Variants in SUPT3H observed in about 807,000 individuals in gnomAD.
SUPT3H encodes the protein transcription initiation protein SPT3 homolog.
A neutral mutation model predicts 44.3 loss-of-function variants in SUPT3H; 44 were observed. The observed-to-expected ratio is 0.99, with a 90% CI of 0.78 to 1.28. The LOEUF is 1.28. Ranked by LOEUF, SUPT3H falls within the 50% of genes most tolerant of loss-of-function variation. SUPT3H has a pLI of 0.00. For synonymous variants in SUPT3H, 124 were observed against 125.6 expected, an observed-to-expected ratio of 0.99 and a Z score of 0.09; for missense variants, 380 against 387.1, an observed-to-expected ratio of 0.98 and a Z score of 0.15.
At chr6:45,181,006 TCAAA>T (rs1157923252) in intron 2 of SUPT3H, among the ~76,000 whole-genome samples, 1 of 150,100 alleles carries the variant, frequency 6.7e-6, no homozygotes, top group Non-Finnish European at 1.5e-5. Context: ...TACAATGAAC[TCAAA>T]CAAATTTACA....
chr6:45,349,030 G>C (rs1486689898), intron 2 of SUPT3H, among the ~76,000 whole-genome samples: 1 of 152,158 alleles, frequency 6.6e-6, no homozygotes, highest in Non-Finnish European at 1.5e-5. Flanking sequence ...GTGGAAAGAG[G>C]TTTATAATCT....
At chr6:45,156,869 C>T (rs1807911338) in intron 2 of SUPT3H, among the ~76,000 whole-genome samples, 1 of 151,658 alleles carries the variant, frequency 6.6e-6, no homozygotes, top group South Asian at 2.1e-4. Flanking sequence ...TGAAGTAATT[C>T]CATGATTTAG....
At chr6:45,276,453 G>A (rs1342727921) in intron 2 of SUPT3H, among the ~76,000 whole-genome samples, 1 of 152,116 alleles carries the variant, frequency 6.6e-6, no homozygotes, top group Non-Finnish European at 1.5e-5. Flanking sequence ...TAGGGTCTGT[G>A]AGATAGATTA....
intron 2 of SUPT3H, among the ~76,000 whole-genome samples, chr6:45,334,102 C>T (rs1562970491): frequency 6.6e-6 from 1 of 151,170 alleles, no homozygotes; most frequent in East Asian, 1.9e-4. Context: ...TCTACTATTC[C>T]TATTGCCAAT....
intron 2 of SUPT3H, among the ~76,000 whole-genome samples, chr6:45,175,659 C>A (rs367971201): frequency 2.0e-5 from 3 of 151,994 alleles, no homozygotes; most frequent in African/African-American, 7.3e-5. Context: ...TGAAGGCATC[C>A]TACATGAATA....
chr6:45,137,089 A>T (rs1257913222), intron 2 of SUPT3H, among the ~76,000 whole-genome samples: 8 of 152,144 alleles, frequency 5.3e-5, no homozygotes, highest in Admixed American at 2.6e-4. Context: ...GACAAGAAGC[A>T]ATGGAATATG....
intron 2 of SUPT3H, among the ~76,000 whole-genome samples, chr6:45,203,475 C>A (rs1762732794): frequency 6.6e-6 from 1 of 152,166 alleles, no homozygotes; most frequent in African/African-American, 2.4e-5. Context: ...AACTCCAAGG[C>A]AGTCTTACTG....
intron 2 of SUPT3H, among the ~76,000 whole-genome samples, chr6:45,128,526 AAAAAAAAATAT>A (rs1268498102): frequency 1.9e-4 from 13 of 67,500 alleles, no homozygotes; most frequent in African/African-American, 6.4e-4. Context: ...AAAAAAAAAA[AAAAAAAAATAT>A]ATATATATAT....
At chr6:45,364,709 TAA>T (rs1794838291) in intron 2 of SUPT3H, among the ~76,000 whole-genome samples, 1 of 152,232 alleles carries the variant, frequency 6.6e-6, no homozygotes, top group Non-Finnish European at 1.5e-5. Flanking sequence ...TCAAATGCTC[TAA>T]GTTTTTCCCC....
Position 44,828,500 on chromosome 6 carries a change from G to C in SUPT3H, c.*1316C>G, listed in dbSNP as rs529349139. ...TGATGGTTTTCAAATAAAAAGTCTTGAATTTAAAATTGAAACAGTGTTTTT... is the reference window on the plus strand; with the variant it reads ...TGATGGTTTTCAAATAAAAAGTCTTCAATTTAAAATTGAAACAGTGTTTTT... On this transcript the variant is annotated 3_prime_UTR_variant, in exon 11 of 11. Coordinates refer to ENST00000371459, the MANE Select transcript of SUPT3H (RefSeq NM_003599.4). 1.6e-4 allele frequency among the ~76,000 whole-genome samples: 24 copies of C among 152,200 alleles called. No individual in the cohort carries two copies. Among genetic ancestry groups the C allele is most frequent in the African/African-American group, 5.1e-4 (21 of 41,536 alleles).
At chr6:45,136,493 T>A (rs1447418332) in intron 2 of SUPT3H, among the ~76,000 whole-genome samples, 1 of 151,308 alleles carries the variant, frequency 6.6e-6, no homozygotes, top group Non-Finnish European at 1.5e-5. Flanking sequence ...GAAATACAAG[T>A]CAAGCAGTCA....
At chr6:44,995,147 A>G (rs1374914849) in intron 6 of SUPT3H, among the ~76,000 whole-genome samples, 15 of 139,008 alleles carry the variant, frequency 1.1e-4, no homozygotes, top group Admixed American at 9.8e-4. Context: ...CTCAAACTAT[A>G]GCTGAATAAA....
intron 2 of SUPT3H, among the ~76,000 whole-genome samples, chr6:45,237,972 C>T (rs565283551): frequency 1.0e-3 from 153 of 152,244 alleles, no homozygotes; most frequent in African/African-American, 3.6e-3. Flanking sequence ...CTTTACTATC[C>T]CTTTAGCTGA....
intron 10 of SUPT3H, among the ~76,000 whole-genome samples, chr6:44,887,054 A>G (rs1435884916): frequency 6.6e-6 from 1 of 152,226 alleles, no homozygotes; most frequent in Non-Finnish European, 1.5e-5. Context: ...GATCAATACA[A>G]CAAGAAGAGC....
intron 2 of SUPT3H, among the ~76,000 whole-genome samples, chr6:45,254,325 C>G (rs185453350): frequency 6.6e-6 from 1 of 152,276 alleles, no homozygotes; most frequent in East Asian, 1.9e-4. Flanking sequence ...AAGCCATTTC[C>G]TTTTCTCTTG....
chr6:44,891,199 A>T (rs920733260), intron 10 of SUPT3H, among the ~76,000 whole-genome samples: 1 of 152,148 alleles, frequency 6.6e-6, no homozygotes, highest in Non-Finnish European at 1.5e-5. Flanking sequence ...GCTGCTGTGG[A>T]AAACAGTTCG....
intron 2 of SUPT3H, among the ~76,000 whole-genome samples, chr6:45,286,119 G>C (rs978109006): frequency 1.3e-5 from 2 of 151,644 alleles, no homozygotes; most frequent in African/African-American, 4.9e-5. Flanking sequence ...AGACTTAAAT[G>C]TTAGCCCTAA....
chr6:45,048,912 G>A (rs1562337188), intron 3 of SUPT3H, among the ~76,000 whole-genome samples: 1 of 151,912 alleles, frequency 6.6e-6, no homozygotes, highest in Admixed American at 6.6e-5. Context: ...AAGGGTTGGG[G>A]AGGTTTTGGC....
chr6:45,246,157 T>C (rs892264349), intron 2 of SUPT3H, among the ~76,000 whole-genome samples: 1 of 152,152 alleles, frequency 6.6e-6, no homozygotes, highest in Non-Finnish European at 1.5e-5. Flanking sequence ...GAGTTCTTTA[T>C]GTATTCTGGA....
Sources: gnomAD v4.1 joint callset for allele counts (sites outside exome capture counted in the v4.1 genomes callset) on GRCh38, gnomAD v4.1.1 for gene constraint, MANE v1.5 for transcripts, NCBI Gene and HGNC (gene_info 2026-07-23, HGNC 2026-07-21) for gene names.